DZIP1L: variants seen among roughly 807,000 people sequenced by gnomAD.
DZIP1L encodes the protein cilium assembly protein DZIP1L.
A neutral mutation model predicts 88.7 loss-of-function variants in DZIP1L; 90 were observed. The ratio of observed to expected loss-of-function variants is 1.02; its 90% CI spans 0.86 to 1.21. The LOEUF is 1.21. Ranked by LOEUF, DZIP1L falls within the 50% of genes most tolerant of loss-of-function variation. The pLI is 0.00. For missense variants in DZIP1L, 932 were observed against 955.8 expected (o/e 0.98, Z 0.33); for synonymous variants, 363 against 372.1 (o/e 0.98, Z 0.28).
At chr3:138,106,123 C>CTTT (rs2042476650) in intron 1 of DZIP1L, among the ~76,000 whole-genome samples, 1 of 83,160 alleles carries the variant, frequency 1.2e-5, no homozygotes, top group Non-Finnish European at 2.4e-5. Context: ...ATTCAGTCTT[C>CTTT]TTTCTTTTTT....
At chr3:138,093,813 G>T (rs181999622) in intron 4 of DZIP1L, among the ~76,000 whole-genome samples, 1 of 152,294 alleles carries the variant, frequency 6.6e-6, no homozygotes, top group East Asian at 1.9e-4. Flanking sequence ...TTAGGTCCTT[G>T]CTTTGGATTA....
chr3:138,089,428 C>A (rs958012016), intron 5 of DZIP1L, among the ~76,000 whole-genome samples: 30 of 152,226 alleles, frequency 2.0e-4, no homozygotes, highest in African/African-American at 7.2e-4. Flanking sequence ...TAGACACTCC[C>A]TTGGCATCTC....
rs1942773047 is a variant in DZIP1L at position 138,063,550 on chromosome 3, A to T, written c.2143-573T>A. Among the ~76,000 whole-genome samples the T allele has an allele frequency of 6.6e-6, 1 of 152,216 alleles. No homozygotes were observed. Among genetic ancestry groups the T allele is most frequent in the Non-Finnish European group, 1.5e-5 (1 of 68,038 alleles). On this transcript the variant is annotated intron_variant, in intron 15 of 15. Transcript: ENST00000327532. This position sits in a 1 kb window ranked among gnomAD's most constrained non-coding sequence, Gnocchi z 4.1. ...ACCCCCTGACCACAGCCACCTGCGT[A>T]GCAGCCCAGGCTTTCCCCTCTGGAG...
At chr3:138,099,112 G>A (rs1490109849) in intron 2 of DZIP1L, among the ~76,000 whole-genome samples, 1 of 152,208 alleles carries the variant, frequency 6.6e-6, no homozygotes. Context: ...CTGGATGACA[G>A]AGTGAGACCC....
At position 138,092,366 on chromosome 3, in the gene DZIP1L, C is replaced by G; in HGVS notation, c.870+17G>C. 6.7e-7 allele frequency: 1 copy of G among 1,503,388 alleles called. No individual in the cohort carries two copies. Among genetic ancestry groups the G allele is most frequent in the Non-Finnish European group, 8.8e-7 (1 of 1,132,914 alleles). 93.1% of individuals were successfully genotyped at this position (1,503,388 alleles called of 1,614,324 possible). A position where few individuals can be genotyped will look rare whatever the true frequency, so the allele number is the denominator to read the frequency against. ...TTTCCAACAAAGAAACTTTAAAAAG[C>G]CTTTTATGTTGGGTACCTCTTCTAG... On this transcript the variant is annotated intron_variant, in intron 5 of 15. Coordinates refer to ENST00000327532, the MANE Select transcript of DZIP1L (RefSeq NM_173543.3).
In DZIP1L at chr3:138,063,674, G is replaced by T. The variant is rs762633033; in HGVS notation, c.2143-697C>A. ...CGACCAATCAGAACCCATGCAGGGT[G>T]CAGGGCAGCAAGCATGCTCTGAGCG... On this transcript the variant is annotated intron_variant, in intron 15 of 15. Coordinates refer to ENST00000327532, the MANE Select transcript of DZIP1L (RefSeq NM_173543.3). The surrounding 1 kb of genome is among the most constrained non-coding windows in gnomAD (Gnocchi z 4.1). Among the ~76,000 whole-genome samples the T allele has an allele frequency of 6.6e-6, 1 of 152,258 alleles. No homozygotes were observed. The highest frequency in any genetic ancestry group is 1.5e-5 in the Non-Finnish European group (1 of 68,042).
At position 138,092,410 on chromosome 3, in the gene DZIP1L, G is replaced by A. The variant is rs747418381; in HGVS notation, c.843C>T (p.Val281=). The change falls in exon 5 of 16, where the codon GTC becomes GTT. Residue 281 remains valine (V), a synonymous_variant. Transcript: ENST00000327532. ...KKLFWDEFKN[V]AKQNSTLEEK... ...CTTCTAGTGTAGAGTTCTGCTTGGC[G>A]ACATTTTTAAATTCATCCCAAAATA... 1.1e-5 allele frequency: 18 copies of A among 1,600,508 alleles called. No individual in the cohort carries two copies. Among genetic ancestry groups the A allele is most frequent in the South Asian group, 5.7e-5 (5 of 87,236 alleles).
intron 2 of DZIP1L, among the ~76,000 whole-genome samples, chr3:138,100,126 G>T (rs1003078202): frequency 1.3e-5 from 2 of 152,112 alleles, no homozygotes; most frequent in African/African-American, 4.8e-5. Flanking sequence ...AAAGACCAAG[G>T]CATGGGTAGA....
chr3:138,108,338 A>T, intron 1 of DZIP1L: 1 of 505,302 alleles, frequency 2.0e-6, no homozygotes, highest in Non-Finnish European at 2.6e-6. Flanking sequence ...CCCAGCTCTC[A>T]GGTGAGCTCA....
Position 138,064,616 on chromosome 3 carries a change from C to T in DZIP1L, c.2142+12G>A. 6.2e-7 allele frequency: 1 copy of T among 1,614,144 alleles called. No homozygotes were observed. ...GAATTCCAGAGTAAACTCTAAGCATCCTACATCCTACCTGAGGCTTCCTTC... is the reference window on the plus strand; with the variant it reads ...GAATTCCAGAGTAAACTCTAAGCATTCTACATCCTACCTGAGGCTTCCTTC... On this transcript the variant is annotated intron_variant, in intron 15 of 15. Transcript: ENST00000327532.
intron 10 of DZIP1L, 35 bp downstream of exon 10, chr3:138,080,532 G>T: frequency 5.6e-6 from 9 of 1,611,446 alleles, no homozygotes; most frequent in Non-Finnish European, 7.6e-6. Flanking sequence ...ATCTGTTTCT[G>T]CACTGGACAC....
chr3:138,109,568 A>C (rs902912702), intron 1 of DZIP1L, among the ~76,000 whole-genome samples: 2 of 152,354 alleles, frequency 1.3e-5, no homozygotes, highest in Middle Eastern at 3.4e-3. Context: ...TCAAGGATCT[A>C]GAACCAGAAA....
intron 2 of DZIP1L, among the ~76,000 whole-genome samples, chr3:138,098,974 T>A (rs759068286): frequency 5.3e-5 from 8 of 151,944 alleles, no homozygotes; most frequent in Non-Finnish European, 8.8e-5. Flanking sequence ...GGAGAAACCC[T>A]GTCTCTAAAA....
Position 138,065,037 on chromosome 3 carries a change from A to G in DZIP1L, c.2003-270T>C, listed in dbSNP as rs190643290. Among the ~76,000 whole-genome samples the G allele has an allele frequency of 4.9e-4, 75 of 152,356 alleles. 3 individuals are homozygous for G. The East Asian group carries it at 0.013, about 27-fold the overall frequency. ...GGCTTAGGAAGCTGTGCTTCCCTCT[A>G]ATGAGAGGCTGAGGCAGGACCTCTG... On this transcript the variant is annotated intron_variant, in intron 14 of 15. Transcript: ENST00000327532.
rs779200223 is a variant in DZIP1L, at chr3:138,103,789, G to A, written c.183C>T (p.Gly61=). The change falls in exon 2 of 16, where the codon GGC becomes GGT. Residue 61 remains glycine (G), a synonymous_variant. Coordinates refer to ENST00000327532, the MANE Select transcript of DZIP1L (RefSeq NM_173543.3). ...DVATLQENIA[G]ITFCNLDREV... The stretch of plus-strand genomic sequence containing the variant: ...CCCGGTCCAAGTTGCAGAAGGTGAT[G>A]CCAGCAATATTCTCCTGCAGAGTGG... The A allele has an allele frequency of 5.6e-6, 9 of 1,614,034 alleles. No individual in the cohort carries two copies. In the African/African-American group the frequency reaches 1.1e-4, roughly 19 times the overall value.
At chr3:138,067,942 C>G (rs452195) in intron 13 of DZIP1L, among the ~76,000 whole-genome samples, 89,944 of 151,816 alleles carry the variant, frequency 0.59, 28,435 homozygotes, top group Non-Finnish European at 0.7. Context: ...TGGGGGAGGA[C>G]ATGGGTAAGG....
chr3:138,064,833 G>A, intron 14 of DZIP1L, 66 bp from the exon 15 acceptor site: 1 of 1,526,510 alleles, frequency 6.6e-7, no homozygotes, highest in Non-Finnish European at 8.8e-7. Context: ...CAGTTTTGTG[G>A]CTCATGTCCA....
At chr3:138,102,990 T>C in intron 2 of DZIP1L, 1 of 477,838 alleles carries the variant, frequency 2.1e-6, no homozygotes, top group Non-Finnish European at 3.8e-6. Flanking sequence ...AGCTGCTTCT[T>C]GGTCACTAAC....
Position 138,071,688 on chromosome 3 carries a change from G to C in DZIP1L, c.1570C>G (p.Gln524Glu), listed in dbSNP as rs929750748. 1.5e-5 allele frequency: 24 copies of C among 1,614,060 alleles called. No homozygotes were observed. Among genetic ancestry groups the C allele is most frequent in the Non-Finnish European group, 2.0e-5 (24 of 1,180,004 alleles). The change falls in exon 12 of 16, where the codon CAG (glutamine) becomes GAG (glutamate). Residue 524 changes from glutamine (Q) to glutamate (E), a missense_variant. Gln to Glu is a conservative substitution (Grantham distance 29). Coordinates refer to ENST00000327532, the MANE Select transcript of DZIP1L (RefSeq NM_173543.3). ...KEVTSRAKERQENGAVVSQPD... is the reference protein window; with the variant it reads ...KEVTSRAKEREENGAVVSQPD... ...TGGGACACCACAGCGCCATTCTCCT[G>C]TCTCTCCTTCGCTCTGCTGGTGACT...
Sources: allele counts gnomAD v4.1 joint callset (sites outside exome capture counted in the v4.1 genomes callset), GRCh38; gene constraint gnomAD v4.1.1; non-coding constraint Gnocchi (gnomAD v3.1); transcripts MANE v1.5; gene names NCBI Gene and HGNC (gene_info 2026-07-23, HGNC 2026-07-21).